The following RNF24 variants were observed in gnomAD, a reference collection of about 807,000 sequenced individuals.
The protein encoded by RNF24 is ring finger protein 24.
Under a neutral mutation model 20.0 loss-of-function variants are expected in RNF24, and 14 were observed. That is an observed-to-expected ratio of 0.70 (90% CI 0.46 to 1.10). RNF24 has a LOEUF of 1.10. RNF24 is among the 50% of genes least tolerant of loss of function. RNF24 has a pLI of 0.00. For missense variants in RNF24, 124 were observed against 177.6 expected (o/e 0.70, Z 1.71); for synonymous variants, 45 against 61.1 (o/e 0.74, Z 1.23).
chr20:3,968,101 C>T (rs1600668861), intron 1 of RNF24, among the ~76,000 whole-genome samples: 3 of 150,202 alleles, frequency 2.0e-5, no homozygotes. Context: ...GTCAGGAGTT[C>T]GAGACCTGCC....
chr20:3,966,313 C>T (rs903670913), intron 1 of RNF24, among the ~76,000 whole-genome samples: 5 of 151,944 alleles, frequency 3.3e-5, no homozygotes, highest in South Asian at 2.1e-4. Context: ...CAGAGCTTGG[C>T]CCATCTATAC....
At chr20:4,007,738 CAAAAAAAA>C (rs1161702317) in intron 1 of RNF24, among the ~76,000 whole-genome samples, 1 of 56,328 alleles carries the variant, frequency 1.8e-5, no homozygotes, top group African/African-American at 6.4e-5. Context: ...CCTGTCTCTA[CAAAAAAAA>C]AAAAAAAAAA....
At chr20:3,948,523 T>C in intron 2 of RNF24, among the ~76,000 whole-genome samples, 1 of 152,172 alleles carries the variant, frequency 6.6e-6, no homozygotes, top group Admixed American at 6.5e-5. Flanking sequence ...ACCGACAGTC[T>C]ACTTATTTCA....
intron 1 of RNF24, among the ~76,000 whole-genome samples, chr20:4,008,247 T>C (rs1375516193): frequency 1.5e-5 from 2 of 137,568 alleles, no homozygotes; most frequent in East Asian, 4.1e-4. Flanking sequence ...TAGCAAAAAG[T>C]GAAAGAGCTG....
intron 1 of RNF24, among the ~76,000 whole-genome samples, chr20:3,986,291 C>A (rs370186543): frequency 2.0e-5 from 3 of 151,972 alleles, no homozygotes; most frequent in Non-Finnish European, 4.4e-5. Flanking sequence ...CTCACTCTGT[C>A]GCTTGGATTG....
intron 1 of RNF24, among the ~76,000 whole-genome samples, chr20:4,008,396 ATGTAATATG>A (rs1428869407): frequency 1.3e-3 from 7 of 5,350 alleles, no homozygotes; most frequent in African/African-American, 2.7e-3. Context: ...TATATTATAT[ATGTAATATG>A]TATAATATAT....
intron 2 of RNF24, among the ~76,000 whole-genome samples, chr20:3,955,449 T>C (rs1181694685): frequency 6.6e-6 from 1 of 152,208 alleles, no homozygotes; most frequent in Non-Finnish European, 1.5e-5. Flanking sequence ...CATAGATGTT[T>C]GGATTTATTT....
intron 1 of RNF24, among the ~76,000 whole-genome samples, chr20:3,964,391 A>AT (rs1408819340): frequency 6.6e-6 from 1 of 152,244 alleles, no homozygotes; most frequent in East Asian, 1.9e-4. Flanking sequence ...TTAACCTAAT[A>AT]ACTCAACCCT....
At chr20:3,954,331 C>G (rs2091117538) in intron 2 of RNF24, among the ~76,000 whole-genome samples, 1 of 152,142 alleles carries the variant, frequency 6.6e-6, no homozygotes, top group African/African-American at 2.4e-5. Context: ...ATAAAAGGAA[C>G]AATGCAATAT....
At chr20:3,954,196 C>T (rs867298184) in intron 2 of RNF24, among the ~76,000 whole-genome samples, 1 of 152,194 alleles carries the variant, frequency 6.6e-6, no homozygotes, top group East Asian at 1.9e-4. Flanking sequence ...CAAAATTTTT[C>T]ATCACTCCAA....
intron 2 of RNF24, among the ~76,000 whole-genome samples, chr20:3,949,081 C>T (rs1418472120): frequency 6.6e-6 from 1 of 152,176 alleles, no homozygotes; most frequent in Non-Finnish European, 1.5e-5. Context: ...ACTGCTGGTT[C>T]AAAGTACTCA....
At chr20:3,956,367 T>A (rs2091143087) in intron 2 of RNF24, among the ~76,000 whole-genome samples, 1 of 151,818 alleles carries the variant, frequency 6.6e-6, no homozygotes, top group African/African-American at 2.4e-5. Context: ...TTTATTGCCA[T>A]AAATGCATAA....
chr20:3,940,993 C>T (rs1335066198), intron 4 of RNF24, among the ~76,000 whole-genome samples: 1 of 152,226 alleles, frequency 6.6e-6, no homozygotes, highest in East Asian at 1.9e-4. Context: ...ATGGTAAAAA[C>T]CTGGATTAAT....
At chr20:3,945,769 G>A (rs930831018) in intron 3 of RNF24, among the ~76,000 whole-genome samples, 3 of 151,808 alleles carry the variant, frequency 2.0e-5, no homozygotes, top group African/African-American at 7.3e-5. Context: ...TTGACTCCGT[G>A]GTGACCAGAC....
chr20:3,960,810 T>G (rs927743509), intron 2 of RNF24, among the ~76,000 whole-genome samples: 1 of 152,196 alleles, frequency 6.6e-6, no homozygotes, highest in African/African-American at 2.4e-5. Flanking sequence ...AGCTTATTTT[T>G]AAATTTTTTA....
rs936014678 is a variant in RNF24 at position 3,930,028 on chromosome 20, T to C, written c.*4035A>G. 7.9e-5 allele frequency: 12 copies of C among 152,058 alleles called. No individual in the cohort carries two copies. The highest frequency in any genetic ancestry group is 2.7e-4 in the African/African-American group (11 of 41,382). The allele number at this position is 152,058 out of a possible 1,614,324, so 9.4% of individuals were successfully genotyped here. On this transcript the variant is annotated 3_prime_UTR_variant, in exon 6 of 6. Coordinates refer to ENST00000358395, the MANE Select transcript of RNF24 (RefSeq NM_001134337.3). ...TCACATGAGTAGAAAAGGAGAAAAATTATATAGACACACATACACATGTGT... is the reference window on the plus strand; with the variant it reads ...TCACATGAGTAGAAAAGGAGAAAAACTATATAGACACACATACACATGTGT...
At chr20:3,937,060 A>G (rs761584985) in intron 4 of RNF24, among the ~76,000 whole-genome samples, 4 of 152,112 alleles carry the variant, frequency 2.6e-5, no homozygotes, top group African/African-American at 9.7e-5. Flanking sequence ...GATGCTCTCG[A>G]TCTCTTGACC....
At chr20:3,947,508 T>TA (rs1415900084) in intron 3 of RNF24, among the ~76,000 whole-genome samples, 2 of 152,192 alleles carry the variant, frequency 1.3e-5, no homozygotes, top group African/African-American at 4.8e-5. Context: ...AGCTAACATT[T>TA]AAAGTACAAA....
intron 4 of RNF24, among the ~76,000 whole-genome samples, chr20:3,937,344 C>G (rs1440409956): frequency 6.6e-6 from 1 of 152,156 alleles, no homozygotes; most frequent in African/African-American, 2.4e-5. Context: ...TTACAACTTT[C>G]CTTTACAGTT....
Sources: gnomAD v4.1 joint callset for allele counts (sites outside exome capture counted in the v4.1 genomes callset) on GRCh38, gnomAD v4.1.1 for gene constraint, MANE v1.5 for transcripts, NCBI Gene and HGNC (gene_info 2026-07-23, HGNC 2026-07-21) for gene names.